Variants in TEX9 observed in about 807,000 individuals in gnomAD.
TEX9 encodes testis expressed 9, also known as testis-expressed protein 9.
In TEX9, 74 loss-of-function variants were observed where a neutral mutation model predicts 59.6. That is an observed-to-expected ratio of 1.24 (90% CI 1.03 to 1.51). The LOEUF (loss-of-function observed/expected upper bound fraction) is 1.51. Ranked by LOEUF, TEX9 falls within the 40% of genes most tolerant of loss-of-function variation. TEX9 has a pLI of 0.00. For missense variants in TEX9, 522 were observed against 447.8 expected (o/e 1.17, Z -1.49); for synonymous variants, 186 against 152.2 (o/e 1.22, Z -1.64).
intron 1 of TEX9, among the ~76,000 whole-genome samples, chr15:56,304,527 A>G (rs1335688138): frequency 6.6e-6 from 1 of 152,152 alleles, no homozygotes; most frequent in Non-Finnish European, 1.5e-5. Context: ...CATTCTGTTG[A>G]TATGATGTAT....
At chr15:56,384,142 G>T (rs1162151039) in intron 4 of TEX9, 111 bp downstream of exon 4, 2 of 780,192 alleles carry the variant, frequency 2.6e-6, no homozygotes, top group Non-Finnish European at 4.1e-6. Flanking sequence ...GAAGAATAAT[G>T]TATATATAGG....
In TEX9 at chr15:56,413,277, T is replaced by G. The variant is rs1490897165; in HGVS notation, c.963+841T>G. On this transcript the variant is annotated intron_variant, in intron 10 of 12. Coordinates refer to ENST00000352903, the Ensembl canonical transcript of TEX9. ...TTATTTAATTAAATAATTTAATAAT[T>G]AAATAATTTAATAATAAATTATTTA... 5.6e-3 allele frequency among the ~76,000 whole-genome samples: 28 copies of G among 5,006 alleles called. No homozygotes were observed. In the Admixed American group the frequency reaches 0.096, roughly 17 times the overall value. 3.3% of individuals were successfully genotyped at this position (5,006 alleles called of 152,430 possible).
chr15:56,316,418 C>G (rs1173487917), intron 1 of TEX9, among the ~76,000 whole-genome samples: 2 of 95,464 alleles, frequency 2.1e-5, no homozygotes, highest in Non-Finnish European at 4.4e-5. Context: ...CCGTGTGAGG[C>G]GTCAGTGTGC....
At chr15:56,377,270 TG>T (rs1382197993) in intron 3 of TEX9, among the ~76,000 whole-genome samples, 2 of 152,178 alleles carry the variant, frequency 1.3e-5, no homozygotes, top group African/African-American at 4.8e-5. Context: ...ATTTTAGGAT[TG>T]TTTTTTCTAT....
At chr15:56,293,587 C>T (rs902021345) in intron 1 of TEX9, among the ~76,000 whole-genome samples, 2 of 152,082 alleles carry the variant, frequency 1.3e-5, no homozygotes, top group African/African-American at 2.4e-5. Flanking sequence ...CACCACATGG[C>T]CTACAAATGT....
chr15:56,298,755 G>C (rs2045274027), intron 1 of TEX9, among the ~76,000 whole-genome samples: 1 of 151,998 alleles, frequency 6.6e-6, no homozygotes, highest in Non-Finnish European at 1.5e-5. Flanking sequence ...GGCCATTGTT[G>C]TCCAATCATA....
chr15:56,445,103 C>G (rs1330166057), intron 12 of TEX9, among the ~76,000 whole-genome samples: 1 of 151,996 alleles, frequency 6.6e-6, no homozygotes, highest in East Asian at 1.9e-4. Flanking sequence ...TCTTACAGGT[C>G]TGCTATTAAA....
intron 1 of TEX9, among the ~76,000 whole-genome samples, chr15:56,298,074 G>A (rs2718955): frequency 0.35 from 52,852 of 152,058 alleles, 10,557 homozygotes; most frequent in Non-Finnish European, 0.45. Flanking sequence ...ACCCCACCAA[G>A]TTGCTTCTGC....
At chr15:56,408,579 A>G (rs771134726) in intron 9 of TEX9, 1 of 151,946 alleles carries the variant, frequency 6.6e-6, no homozygotes, top group Non-Finnish European at 1.5e-5. Context: ...TGATATCTCT[A>G]TTGTGTGTTA....
At chr15:56,332,388 A>T (rs1175553302) in intron 1 of TEX9, among the ~76,000 whole-genome samples, 1 of 150,948 alleles carries the variant, frequency 6.6e-6, no homozygotes, top group Non-Finnish European at 1.5e-5. Context: ...CAAACACCGC[A>T]TATTCTCACC....
intron 1 of TEX9, among the ~76,000 whole-genome samples, chr15:56,329,960 T>G (rs2046106440): frequency 6.6e-6 from 1 of 151,558 alleles, no homozygotes; most frequent in South Asian, 2.1e-4. Context: ...CAAAGAAGAC[T>G]ACCTCAAGGC....
At chr15:56,329,209 A>G (rs1181299695) in intron 1 of TEX9, among the ~76,000 whole-genome samples, 1 of 152,186 alleles carries the variant, frequency 6.6e-6, no homozygotes, top group Non-Finnish European at 1.5e-5. Context: ...GTCTAGAAGA[A>G]CCACAACATT....
intron 9 of TEX9, 99 bp from the exon 10 acceptor site, chr15:56,412,203 G>A: frequency 8.5e-7 from 1 of 1,175,444 alleles, no homozygotes; most frequent in Non-Finnish European, 1.2e-6. Flanking sequence ...TAAAGTTTGA[G>A]AGAAAGCAAG....
chr15:56,332,474 T>G (rs1216319334), intron 1 of TEX9, among the ~76,000 whole-genome samples: 6 of 72,624 alleles, frequency 8.3e-5, no homozygotes, highest in South Asian at 5.6e-4. Flanking sequence ...TGTCGTGGGG[T>G]GGGGGGAGGG....
At chr15:56,316,279 G>A (rs1196629397) in intron 1 of TEX9, among the ~76,000 whole-genome samples, 1 of 151,826 alleles carries the variant, frequency 6.6e-6, no homozygotes, top group Non-Finnish European at 1.5e-5. Flanking sequence ...CATCTTTGTG[G>A]TTTTATCTAC....
intron 1 of TEX9, among the ~76,000 whole-genome samples, chr15:56,332,174 T>C (rs1225640597): frequency 1.5e-5 from 2 of 132,448 alleles, no homozygotes; most frequent in African/African-American, 5.7e-5. Flanking sequence ...TGCACACGTA[T>C]GTTTATTGCG....
rs552210746 is a variant in TEX9, at chr15:56,348,352, A to T, written c.-106-25089A>T. On this transcript the variant is annotated intron_variant, in intron 1 of 5. Coordinates refer to the TEX9 transcript ENST00000560827. ...TAGGAATCAGGATAATTGAGATTCC[A>T]GCTCCTGGACACCCAGAGAGAAACA... is the stretch of plus-strand genomic sequence containing the variant. Among the ~76,000 whole-genome samples, 15 of 152,202 alleles carry T rather than the reference A, an allele frequency of 9.9e-5. No individual in the cohort carries two copies. In the South Asian group the frequency reaches 2.9e-3, roughly 29 times the overall value.
rs373030041 is a variant in TEX9 at position 56,331,770 on chromosome 15, C to T, written c.-106-41671C>T. On this transcript the variant is annotated intron_variant, in intron 1 of 5. Transcript: ENST00000560827. ...ACTACAATGAACTCAAACAAATTTACAAGAAAAAAACAAACAACCCCATCA... is the reference window on the plus strand; with the variant it reads ...ACTACAATGAACTCAAACAAATTTATAAGAAAAAAACAAACAACCCCATCA... Among the ~76,000 whole-genome samples the T allele has an allele frequency of 2.0e-5, 3 of 151,706 alleles. 1 individual carries two copies. The highest frequency in any genetic ancestry group is 6.6e-5 in the Admixed American group (1 of 15,240).
At chr15:56,334,914 T>G (rs893431929) in intron 1 of TEX9, among the ~76,000 whole-genome samples, 2 of 151,982 alleles carry the variant, frequency 1.3e-5, no homozygotes, top group African/African-American at 4.8e-5. Context: ...GGTGCTCAAC[T>G]AAACATCAGA....
Sources: gnomAD v4.1 joint callset for allele counts (sites outside exome capture counted in the v4.1 genomes callset) on GRCh38, gnomAD v4.1.1 for gene constraint, MANE v1.5 for transcripts, NCBI Gene and HGNC (gene_info 2026-07-23, HGNC 2026-07-21) for gene names.